The following PLB1 variants were observed in gnomAD, a reference collection of about 807,000 sequenced individuals.
PLB1 encodes phospholipase B1, membrane-associated.
Under a neutral mutation model 227.4 loss-of-function variants are expected in PLB1, and 242 were observed. The ratio of observed to expected loss-of-function variants is 1.06; its 90% CI spans 0.96 to 1.18. The LOEUF (loss-of-function observed/expected upper bound fraction) is 1.18. PLB1 is among the 50% of genes most tolerant of loss of function. The pLI is 0.00. For missense variants in PLB1, 1,858 were observed against 1,816.3 expected (o/e 1.02, Z -0.42); for synonymous variants, 757 against 682.2 (o/e 1.11, Z -1.71).
intron 1 of PLB1, among the ~76,000 whole-genome samples, chr2:28,515,182 A>G (rs2148172827): frequency 6.6e-6 from 1 of 152,264 alleles, no homozygotes; most frequent in Non-Finnish European, 1.5e-5. Flanking sequence ...AAAATTACCA[A>G]AATAGTCTCA....
chr2:28,594,872 G>A (rs920612736), intron 33 of PLB1: 1 of 151,630 alleles, frequency 6.6e-6, no homozygotes, highest in African/African-American at 2.4e-5. Context: ...GAGGCTACAA[G>A]AAAAAAAACC....
intron 9 of PLB1, among the ~76,000 whole-genome samples, chr2:28,537,818 C>A (rs1671905525): frequency 6.6e-6 from 1 of 152,002 alleles, no homozygotes; most frequent in African/African-American, 2.4e-5. Context: ...TACTCTTTCT[C>A]TAGGAATGCT....
At chr2:28,570,400 A>G (rs1327984223) in intron 20 of PLB1, among the ~76,000 whole-genome samples, 1 of 152,250 alleles carries the variant, frequency 6.6e-6, no homozygotes, top group African/African-American at 2.4e-5. Context: ...ATTCTATGTC[A>G]ATAGGATAAA....
rs530980229 is a variant in PLB1, at chr2:28,603,825, C to T, written c.2775-141C>T. Reference sequence around the variant, plus strand: ...CCTGAAGCCTGCCCCTGAGCATGTGCGCCAGAGCCTCAAGGCTTGAGTGCT... The same window carrying T: ...CCTGAAGCCTGCCCCTGAGCATGTGTGCCAGAGCCTCAAGGCTTGAGTGCT... On this transcript the variant is annotated intron_variant, in intron 39 of 57. Coordinates refer to ENST00000327757, the MANE Select transcript of PLB1 (RefSeq NM_153021.5). 95 of 727,288 alleles carry T rather than the reference C, an allele frequency of 1.3e-4. 1 individual carries two copies. The South Asian group carries it at 1.4e-3, about 10-fold the overall frequency. The allele number at this position is 727,288 out of a possible 1,614,324, so 45.1% of individuals were successfully genotyped here.
chr2:28,632,234 T>A, intron 55 of PLB1, 94 bp downstream of exon 55: 7 of 986,828 alleles, frequency 7.1e-6, no homozygotes, highest in Non-Finnish European at 9.1e-6. Flanking sequence ...TTTTTTTTTT[T>A]AACCATCTCT....
chr2:28,571,062 AGAT>A (rs1228601719), intron 20 of PLB1, among the ~76,000 whole-genome samples: 1 of 152,240 alleles, frequency 6.6e-6, no homozygotes, highest in African/African-American at 2.4e-5. Context: ...TTTAAAGATG[AGAT>A]GATATTATAT....
At chr2:28,527,931 C>G (rs537359904) in intron 6 of PLB1, among the ~76,000 whole-genome samples, 1 of 152,274 alleles carries the variant, frequency 6.6e-6, no homozygotes, top group African/African-American at 2.4e-5. Context: ...AGCAAGAGTA[C>G]CCCTCACCCA....
At chr2:28,503,683 G>A (rs754993081) in intron 1 of PLB1, among the ~76,000 whole-genome samples, 5 of 152,144 alleles carry the variant, frequency 3.3e-5, no homozygotes, top group Non-Finnish European at 7.4e-5. Context: ...GGGTGTCTTC[G>A]TGTTCCCCTC....
Position 28,589,542 on chromosome 2 carries a change from G to T in PLB1, c.1908G>T (p.Met636Ile). Residue 636 changes from methionine to isoleucine, a missense_variant, in exon 27 of 58, where the codon ATG becomes ATT. Met to Ile is a conservative substitution (Grantham distance 10). Transcript: ENST00000327757. ...AGCCGTTCTTTGAAAACGTGGACAT[G>T]CCAAAGACCTCGGTAAAGAAAGCAA... ...VVQPFFENVD[M>I]PKTSEGLPDN... The T allele has an allele frequency of 1.9e-6, 3 of 1,614,124 alleles. No individual in the cohort carries two copies. The highest frequency in any genetic ancestry group is 1.6e-4 in the Middle Eastern group (1 of 6,062).
At chr2:28,624,783 G>GAAGT (rs1168081653) in intron 49 of PLB1, among the ~76,000 whole-genome samples, 1 of 45,466 alleles carries the variant, frequency 2.2e-5, no homozygotes, top group Non-Finnish European at 4.0e-5. Flanking sequence ...AGAGCTTGAG[G>GAAGT]AAGTATAAGG....
At chr2:28,548,244 C>T (rs1673605984) in intron 14 of PLB1, among the ~76,000 whole-genome samples, 1 of 152,168 alleles carries the variant, frequency 6.6e-6, no homozygotes. Flanking sequence ...GATTTACCTA[C>T]ATTTGGGTTG....
intron 56 of PLB1, among the ~76,000 whole-genome samples, chr2:28,639,706 C>T (rs62129783): frequency 6.6e-6 from 1 of 152,220 alleles, no homozygotes; most frequent in Non-Finnish European, 1.5e-5. Flanking sequence ...CGGGAATCAG[C>T]CGCGCTGACC....
Position 28,598,600 on chromosome 2 carries a change from A to G in PLB1, c.2366-52A>G, listed in dbSNP as rs1683357748. ...TAGGTCCCACAGTACCAGAGAAGCT[A>G]TTCTGGCTTTCTGTTCTGAGCCGTC... On this transcript the variant is annotated intron_variant, in intron 34 of 57. Coordinates refer to ENST00000327757, the MANE Select transcript of PLB1 (RefSeq NM_153021.5). 4.9e-6 allele frequency: 7 copies of G among 1,418,784 alleles called. No individual in the cohort carries two copies. The South Asian group carries it at 6.9e-5, about 14-fold the overall frequency. The allele number at this position is 1,418,784 out of a possible 1,614,324, so 87.9% of individuals were successfully genotyped here.
At chr2:28,579,304 C>T (rs1277649153) in intron 22 of PLB1, among the ~76,000 whole-genome samples, 2 of 152,222 alleles carry the variant, frequency 1.3e-5, no homozygotes, top group East Asian at 1.9e-4. Flanking sequence ...CTTATCCCTT[C>T]CCCACTTCCT....
At chr2:28,605,382 C>A (rs1684523582) in intron 41 of PLB1, among the ~76,000 whole-genome samples, 1 of 152,146 alleles carries the variant, frequency 6.6e-6, no homozygotes, top group African/African-American at 2.4e-5. Context: ...ACCCCCAGCA[C>A]CTCCAGATGA....
chr2:28,577,108 G>A (rs1679092768), intron 21 of PLB1, among the ~76,000 whole-genome samples: 1 of 152,166 alleles, frequency 6.6e-6, no homozygotes, highest in South Asian at 2.1e-4. Context: ...CTGTGAAGAA[G>A]GTATGTTACC....
intron 21 of PLB1, 69 bp downstream of exon 21, chr2:28,573,374 A>G: frequency 8.2e-7 from 1 of 1,225,008 alleles, no homozygotes; most frequent in South Asian, 1.2e-5. Flanking sequence ...CTTGGCCTAA[A>G]CTGGGTTTAT....
chr2:28,524,728 G>A (rs529496753), intron 4 of PLB1, among the ~76,000 whole-genome samples: 4 of 152,014 alleles, frequency 2.6e-5, no homozygotes, highest in Admixed American at 2.0e-4. Context: ...GGAGGAAAAC[G>A]TCCCACACCT....
intron 1 of PLB1, among the ~76,000 whole-genome samples, chr2:28,501,743 G>A (rs146716241): frequency 1.1e-3 from 168 of 151,514 alleles, no homozygotes; most frequent in African/African-American, 4.0e-3. Flanking sequence ...CATGTTTTTT[G>A]CATTTTGATT....
Sources: allele counts gnomAD v4.1 joint callset (sites outside exome capture counted in the v4.1 genomes callset), GRCh38; gene constraint gnomAD v4.1.1; transcripts MANE v1.5; gene names NCBI Gene and HGNC (gene_info 2026-07-23, HGNC 2026-07-21).